COX10: variants seen among roughly 807,000 people sequenced by gnomAD.
COX10 encodes protoheme IX farnesyltransferase, mitochondrial.
In COX10, 27 loss-of-function variants were observed where a neutral mutation model predicts 37.3. The ratio of observed to expected loss-of-function variants is 0.72; its 90% CI spans 0.53 to 1.00. The LOEUF (loss-of-function observed/expected upper bound fraction) is 1.00, where lower values mean the gene tolerates loss of function less well. COX10 is among the 50% of genes least tolerant of loss of function. COX10 has a pLI of 0.00. For missense variants in COX10, 475 were observed against 563.2 expected, an observed-to-expected ratio of 0.84 and a Z score of 1.59; for synonymous variants, 222 against 229.1, an observed-to-expected ratio of 0.97 and a Z score of 0.28.
chr17:14,185,105 A>G (rs1905987880), intron 5 of COX10, among the ~76,000 whole-genome samples: 3 of 151,996 alleles, frequency 2.0e-5, no homozygotes, highest in Admixed American at 2.0e-4. Context: ...GCAAACTGCT[A>G]AGGAATTTAA....
chr17:14,097,621 A>G (rs1462002674), intron 3 of COX10, among the ~76,000 whole-genome samples: 3 of 152,170 alleles, frequency 2.0e-5, no homozygotes, highest in Non-Finnish European at 4.4e-5. Flanking sequence ...AAGAATAACA[A>G]GATACTTCCT....
Position 14,133,256 on chromosome 17 carries a change from T to G in COX10, c.625-26621T>G, listed in dbSNP as rs142373823. Among the ~76,000 whole-genome samples the G allele has an allele frequency of 8.6e-5, 13 of 151,808 alleles. No homozygotes were observed. In the East Asian group the frequency reaches 2.3e-3, roughly 27 times the overall value. ...ATTTACATCTAAACATGAAAATTGT[T>G]ATAAAATGTTTTCATGAGTCATACA... On this transcript the variant is annotated intron_variant, in intron 4 of 6. Transcript: ENST00000261643.
intron 4 of COX10, among the ~76,000 whole-genome samples, chr17:14,159,662 T>C (rs1905130861): frequency 6.7e-6 from 1 of 148,530 alleles, no homozygotes; most frequent in African/African-American, 2.5e-5. Context: ...TAAAAGTAGA[T>C]ATTCCTGACA....
Position 14,084,026 on chromosome 17 carries a change from A to T in COX10, c.499+6970A>T, listed in dbSNP as rs539678899. Among the ~76,000 whole-genome samples, 81 of 152,294 alleles carry T rather than the reference A, an allele frequency of 5.3e-4. 1 individual carries two copies. Among genetic ancestry groups the T allele is most frequent in the African/African-American group, 1.9e-3 (79 of 41,574 alleles). The stretch of plus-strand genomic sequence containing the variant: ...GTTGATGGAACTGATATGAAGTATG[A>T]TCTATCAATGTATAAATTTTTTTCT... On this transcript the variant is annotated intron_variant, in intron 3 of 6. Coordinates refer to ENST00000261643, the MANE Select transcript of COX10 (RefSeq NM_001303.4).
chr17:14,102,307 TATTTTTAAATACCTTCCAAACTC>T, intron 4 of COX10, 65 bp downstream of exon 4: 1 of 1,586,188 alleles, frequency 6.3e-7, no homozygotes, highest in Non-Finnish European at 8.6e-7. Context: ...TGTATTGTCA[TATTTTTAAATACCTTCCAAACTC>T]ATATATTGAT....
intron 4 of COX10, among the ~76,000 whole-genome samples, chr17:14,117,024 A>G (rs1404850519): frequency 6.6e-6 from 1 of 152,232 alleles, no homozygotes; most frequent in Non-Finnish European, 1.5e-5. Flanking sequence ...GAAAAGTAAC[A>G]TGGGCTTATG....
At chr17:14,077,845 G>A (rs1915190629) in intron 3 of COX10, among the ~76,000 whole-genome samples, 1 of 151,720 alleles carries the variant, frequency 6.6e-6, no homozygotes, top group Admixed American at 6.6e-5. Context: ...GACAGAAAGT[G>A]GTAAATAATG....
At chr17:14,138,570 A>G (rs1167363777) in intron 4 of COX10, among the ~76,000 whole-genome samples, 2 of 152,160 alleles carry the variant, frequency 1.3e-5, no homozygotes, top group African/African-American at 2.4e-5. Flanking sequence ...TGCTAGCTAT[A>G]TAAGTAAACA....
Position 14,162,622 on chromosome 17 carries a change from C to CT in COX10, c.695+2690dup, listed in dbSNP as rs57058201. Among the ~76,000 whole-genome samples the CT allele has an allele frequency of 2.5e-4, 36 of 145,256 alleles. 1 individual carries two copies. The highest frequency in any genetic ancestry group is 5.5e-4 in the African/African-American group (22 of 39,810). ...GATGGCACTTTCAAAACTATCCCTG[C>CT]TTTTTTTTTTTTTTTATCAACTACA... On this transcript the variant is annotated intron_variant, in intron 5 of 6. Transcript: ENST00000261643.
chr17:14,078,388 C>T (rs529003200), intron 3 of COX10, among the ~76,000 whole-genome samples: 2 of 152,286 alleles, frequency 1.3e-5, no homozygotes, highest in African/African-American at 4.8e-5. Context: ...AGCACATCCA[C>T]CCTGCAGATT....
intron 4 of COX10, among the ~76,000 whole-genome samples, chr17:14,137,217 G>C (rs1379121728): frequency 1.3e-5 from 2 of 151,344 alleles, no homozygotes; most frequent in Non-Finnish European, 3.0e-5. Flanking sequence ...TCCATTTCTA[G>C]AAGTTTTTTT....
intron 6 of COX10, among the ~76,000 whole-genome samples, chr17:14,205,980 A>G (rs772026865): frequency 3.9e-5 from 6 of 152,178 alleles, no homozygotes; most frequent in Non-Finnish European, 8.8e-5. Flanking sequence ...TTACAAAGCC[A>G]TAGACAAGTT....
rs1905140120 is a variant in COX10 at position 14,160,016 on chromosome 17, C to A, written c.695+69C>A. On this transcript the variant is annotated intron_variant, in intron 5 of 6. Transcript: ENST00000261643. ...ATTTGCTTGTTCATCTGAATCATTTCCCACTATTTTGCTTTGAGCTGCGAA... is the reference window on the plus strand; with the variant it reads ...ATTTGCTTGTTCATCTGAATCATTTACCACTATTTTGCTTTGAGCTGCGAA... 3 of 1,427,602 alleles carry A rather than the reference C, an allele frequency of 2.1e-6. No individual in the cohort carries two copies. The East Asian group carries it at 6.9e-5, about 33-fold the overall frequency. 88.4% of individuals were successfully genotyped at this position (1,427,602 alleles called of 1,614,324 possible).
chr17:14,126,182 T>C (rs1916339880), intron 4 of COX10, among the ~76,000 whole-genome samples: 1 of 152,190 alleles, frequency 6.6e-6, no homozygotes, highest in African/African-American at 2.4e-5. Context: ...TATGTTTAGC[T>C]TGAAGGCACT....
At chr17:14,141,218 C>G (rs1397050712) in intron 4 of COX10, among the ~76,000 whole-genome samples, 1 of 152,030 alleles carries the variant, frequency 6.6e-6, no homozygotes, top group Non-Finnish European at 1.5e-5. Context: ...GTGTGACTTT[C>G]CTTATTTGTA....
intron 4 of COX10, among the ~76,000 whole-genome samples, chr17:14,147,726 G>A (rs1002867825): frequency 6.7e-5 from 10 of 148,538 alleles, no homozygotes; most frequent in East Asian, 1.9e-4. Flanking sequence ...ATTGCATGAC[G>A]GTATCAGAAT....
chr17:14,206,527 C>A (rs574938768), intron 6 of COX10, among the ~76,000 whole-genome samples: 4 of 152,072 alleles, frequency 2.6e-5, no homozygotes, highest in Non-Finnish European at 4.4e-5. Context: ...AGGCAGCCCC[C>A]CTGTGAAGCA....
chr17:14,148,859 A>G (rs1171206142), intron 4 of COX10, among the ~76,000 whole-genome samples: 2 of 150,990 alleles, frequency 1.3e-5, no homozygotes, highest in African/African-American at 4.9e-5. Flanking sequence ...TAATAAGTGT[A>G]TTTTGTATCT....
intron 5 of COX10, among the ~76,000 whole-genome samples, chr17:14,189,012 T>C (rs1020216039): frequency 3.3e-5 from 5 of 149,262 alleles, no homozygotes; most frequent in African/African-American, 4.9e-5. Flanking sequence ...ACTGCTTTGA[T>C]TGTCTTTGTG....
Sources: allele counts gnomAD v4.1 joint callset (sites outside exome capture counted in the v4.1 genomes callset), GRCh38; gene constraint gnomAD v4.1.1; transcripts MANE v1.5; gene names NCBI Gene and HGNC (gene_info 2026-07-23, HGNC 2026-07-21).